Variants in CYLD observed in about 807,000 individuals in gnomAD.
CYLD encodes the protein CYLD lysine 63 deubiquitinase, also known as ubiquitin carboxyl-terminal hydrolase CYLD.
In CYLD, 26 loss-of-function variants were observed where a neutral mutation model predicts 104.5. The ratio of observed to expected loss-of-function variants is 0.25; its 90% CI spans 0.18 to 0.35. CYLD has a LOEUF of 0.35. Among genes scored for constraint, CYLD ranks in the 10% least tolerant of loss-of-function variants. CYLD has a pLI of 1.00. For missense variants in CYLD, 703 were observed against 1,136.1 expected (o/e 0.62, Z 5.48); for synonymous variants, 385 against 399.9 (o/e 0.96, Z 0.45).
rs115147099 is a variant in CYLD at position 50,747,054 on chromosome 16, C to T, written c.-123-2522C>T. Among the ~76,000 whole-genome samples, 258 of 152,156 alleles carry T rather than the reference C, an allele frequency of 1.7e-3. 4 individuals carry two copies. The highest frequency in any genetic ancestry group is 5.9e-3 in the African/African-American group (243 of 41,516). On this transcript the variant is annotated intron_variant, in intron 2 of 18. Transcript: ENST00000427738. The stretch of plus-strand genomic sequence containing the variant: ...TTTACCTTTTTCAAAAAAATTTTGG[C>T]CCTAAAAATCTAAATACATTTTAAA...
At chr16:50,770,670 C>T (rs1175062175) in intron 5 of CYLD, among the ~76,000 whole-genome samples, 4 of 151,824 alleles carry the variant, frequency 2.6e-5, no homozygotes, top group Admixed American at 6.6e-5. Flanking sequence ...AGGCTGGTCT[C>T]GAACTCCTGA....
chr16:50,751,981 CATATATATACACACATAT>C (rs1248110795), intron 4 of CYLD, 75 bp downstream of exon 4: 1 of 114,494 alleles, frequency 8.7e-6, no homozygotes, highest in Non-Finnish European at 1.2e-5. Flanking sequence ...TATATATAAA[CATATATATACACACATAT>C]ATATACACAC....
intron 5 of CYLD, among the ~76,000 whole-genome samples, chr16:50,755,453 A>G (rs555530534): frequency 3.3e-5 from 5 of 152,280 alleles, no homozygotes; most frequent in African/African-American, 1.2e-4. Flanking sequence ...GAATCCCCAC[A>G]CTGTTTTCCA....
intron 5 of CYLD, among the ~76,000 whole-genome samples, chr16:50,773,761 A>G (rs1969380594): frequency 6.6e-6 from 1 of 152,160 alleles, no homozygotes; most frequent in South Asian, 2.1e-4. Context: ...TGGGCCATGA[A>G]CACAGTTGTG....
At position 50,754,303 on chromosome 16, in the gene CYLD, A is replaced by T; in HGVS notation, c.808-16A>T. The stretch of plus-strand genomic sequence containing the variant: ...TTCATTGAGGAGGATTTTAATGTTT[A>T]TTATTTAATTTCTAGGATAACCCTA... On this transcript the variant is annotated splice_polypyrimidine_tract_variant and intron_variant, in intron 4 of 18. Coordinates refer to ENST00000427738, the MANE Select transcript of CYLD (RefSeq NM_001378743.1). The T allele has an allele frequency of 2.6e-6, 4 of 1,515,394 alleles. No individual in the cohort carries two copies. 93.9% of individuals were successfully genotyped at this position (1,515,394 alleles called of 1,614,324 possible). A position where few individuals can be genotyped will look rare whatever the true frequency, so the allele number is the denominator to read the frequency against.
chr16:50,765,852 A>G (rs201823482), intron 5 of CYLD, among the ~76,000 whole-genome samples: 2 of 6,020 alleles, frequency 3.3e-4, no homozygotes, highest in African/African-American at 0.015. Flanking sequence ...TTCAATTCTG[A>G]AAGGCTGAGA....
Position 50,798,618 on chromosome 16 carries a change from A to G in CYLD, c.*2110A>G. On this transcript the variant is annotated 3_prime_UTR_variant, in exon 19 of 19. Coordinates refer to ENST00000427738, the MANE Select transcript of CYLD (RefSeq NM_001378743.1). ...TAAGACTGGATTTAACAGTTGGAAAAAAAAAAAAAAAAGGAGAGAGAAGAC... is the reference window on the plus strand; with the variant it reads ...TAAGACTGGATTTAACAGTTGGAAAGAAAAAAAAAAAAGGAGAGAGAAGAC... 1 of 227,138 alleles carries G rather than the reference A, an allele frequency of 4.4e-6. No homozygotes were observed. Among genetic ancestry groups the G allele is most frequent in the East Asian group, 6.2e-5 (1 of 16,074 alleles). The allele number at this position is 227,138 out of a possible 1,614,324, so 14.1% of individuals were successfully genotyped here. A position where few individuals can be genotyped will look rare whatever the true frequency, so the allele number is the denominator to read the frequency against.
intron 10 of CYLD, 149 bp from the exon 11 acceptor site, chr16:50,782,176 A>C: frequency 1.6e-6 from 1 of 609,528 alleles, no homozygotes; most frequent in Non-Finnish European, 2.8e-6. Flanking sequence ...GTCAAATAGC[A>C]GTTAACCAAA....
intron 5 of CYLD, 73 bp from the exon 6 acceptor site, chr16:50,775,092 TG>T (rs1266362393): frequency 4.0e-6 from 5 of 1,253,610 alleles, no homozygotes. Flanking sequence ...GTGTTTAAAA[TG>T]TAAAAATTTT....
chr16:50,792,806 C>G, intron 16 of CYLD, 101 bp downstream of exon 16: 1 of 684,874 alleles, frequency 1.5e-6, no homozygotes, highest in East Asian at 2.8e-5. Context: ...ACAGTATTTC[C>G]CAAGGCAATT....
chr16:50,765,535 AAG>A (rs904720752), intron 5 of CYLD, among the ~76,000 whole-genome samples: 10 of 152,334 alleles, frequency 6.6e-5, no homozygotes, highest in African/African-American at 2.4e-4. Flanking sequence ...GTTCCAGTGA[AAG>A]AGAGAGTTGC....
intron 5 of CYLD, among the ~76,000 whole-genome samples, chr16:50,767,444 C>T (rs2150958347): frequency 6.8e-6 from 1 of 147,342 alleles, no homozygotes. Flanking sequence ...CAGGGTGTGC[C>T]TGTGTGGGTT....
intron 11 of CYLD, 98 bp from the exon 12 acceptor site, chr16:50,784,231 C>T: frequency 7.5e-7 from 1 of 1,329,864 alleles, no homozygotes; most frequent in Non-Finnish European, 1.1e-6. Context: ...TATTTGTTCT[C>T]CAGACTTTAC....
Position 50,794,427 on chromosome 16 carries a change from T to A in CYLD, c.2685T>A (p.Asp895Glu). Residue 895 changes from aspartate (D) to glutamate (E), a missense_variant and splice_region_variant, in exon 18 of 19, where the codon GAT (aspartate) becomes GAA (glutamate). By Grantham distance (45) the Asp-to-Glu change is conservative. Around this residue, in one of 5 missense-constraint regions of CYLD, gnomAD observed 130 missense variants for 220.2 expected, o/e 0.59. Coordinates refer to ENST00000427738, the MANE Select transcript of CYLD (RefSeq NM_001378743.1). The surrounding 1 kb of genome is among the most constrained non-coding windows in gnomAD (Gnocchi z 4.1). ...WLFFDSMADR[D>E]GGQNGFNIPQ... Reference sequence around the variant, plus strand: ...TCTTTGACAGCATGGCCGATCGGGATGGTACTGAAAACGCCTTTCTTCTGC... The same window carrying A: ...TCTTTGACAGCATGGCCGATCGGGAAGGTACTGAAAACGCCTTTCTTCTGC... 1.9e-6 allele frequency: 3 copies of A among 1,614,112 alleles called. No individual in the cohort carries two copies. Among genetic ancestry groups the A allele is most frequent in the Non-Finnish European group, 2.5e-6 (3 of 1,180,010 alleles).
chr16:50,772,713 A>G (rs1969284286), intron 5 of CYLD, among the ~76,000 whole-genome samples: 1 of 131,882 alleles, frequency 7.6e-6, no homozygotes, highest in South Asian at 2.4e-4. Flanking sequence ...ATAACTTCCT[A>G]GGAGTAGAAT....
At chr16:50,787,035 G>A in intron 13 of CYLD, 89 bp downstream of exon 13, 2 of 1,121,604 alleles carry the variant, frequency 1.8e-6, no homozygotes, top group Non-Finnish European at 2.7e-6. Flanking sequence ...CTGTGTAGTT[G>A]GGGGGTTTTC....
intron 6 of CYLD, among the ~76,000 whole-genome samples, chr16:50,775,854 G>A (rs1007642459): frequency 1.3e-5 from 2 of 152,116 alleles, no homozygotes; most frequent in African/African-American, 4.8e-5. Flanking sequence ...GTAAAAAACC[G>A]AGTAAGATTT....
At chr16:50,766,553 A>G (rs1196168574) in intron 5 of CYLD, among the ~76,000 whole-genome samples, 1 of 152,218 alleles carries the variant, frequency 6.6e-6, no homozygotes, top group Non-Finnish European at 1.5e-5. Context: ...TAAGGCTGCC[A>G]TAGATCAGGA....
chr16:50,782,628 G>A (rs1323535243), intron 11 of CYLD, among the ~76,000 whole-genome samples, 162 bp downstream of exon 11: 1 of 152,028 alleles, frequency 6.6e-6, no homozygotes, highest in African/African-American at 2.4e-5. Context: ...AGGGAGATTT[G>A]CTTTTTATGA....
Sources: gnomAD v4.1 joint callset for allele counts (sites outside exome capture counted in the v4.1 genomes callset) on GRCh38, gnomAD v4.1.1 for gene constraint, gnomAD v4.1.1 regional missense constraint, Gnocchi (gnomAD v3.1) non-coding constraint, MANE v1.5 for transcripts, NCBI Gene and HGNC (gene_info 2026-07-23, HGNC 2026-07-21) for gene names.